Variants in JOSD2 observed in about 807,000 individuals in gnomAD.
JOSD2 encodes Josephin domain containing 2.
A neutral mutation model predicts 19.3 loss-of-function variants in JOSD2; 20 were observed. The ratio of observed to expected loss-of-function variants is 1.04; its 90% CI spans 0.73 to 1.51. The LOEUF (loss-of-function observed/expected upper bound fraction) is 1.51. Ranked by LOEUF, JOSD2 falls within the 40% of genes most tolerant of loss-of-function variation. The pLI is 0.00. For synonymous variants in JOSD2, 118 were observed against 123.7 expected (o/e 0.95, Z 0.31); for missense variants, 215 against 250.4 (o/e 0.86, Z 0.95).
At chr19:50,509,393 A>G (rs960278695) in intron 2 of JOSD2, among the ~76,000 whole-genome samples, 67 of 151,938 alleles carry the variant, frequency 4.4e-4, no homozygotes, top group Admixed American at 3.0e-3. Flanking sequence ...GCGCCCGGCC[A>G]AAGAGTGATG....
chr19:50,510,018 C>T, intron 2 of JOSD2: 1 of 329,344 alleles, frequency 3.0e-6, no homozygotes, highest in Non-Finnish European at 5.3e-6. Flanking sequence ...CGCAACTGCA[C>T]TCCAGCCTGG....
chr19:50,507,813 C>G, intron 2 of JOSD2, 114 bp from the exon 3 acceptor site: 2 of 1,305,452 alleles, frequency 1.5e-6, no homozygotes, highest in South Asian at 2.8e-5. Context: ...CCGCTTCAGA[C>G]CCCACAACTC....
chr19:50,510,830 T>A lies in JOSD2; in HGVS notation c.-18+287A>T, dbSNP rs572821242. Among the ~76,000 whole-genome samples, 4 of 151,520 alleles carry A rather than the reference T, an allele frequency of 2.6e-5. No individual in the cohort carries two copies. In the East Asian group the frequency reaches 5.9e-4, roughly 22 times the overall value. ...CCACCGCACTAGGTAACAAAGTCTG[T>A]CCTCCGAGCACCTAGCAATAGAGAA... On this transcript the variant is annotated intron_variant, in intron 1 of 4. Coordinates refer to ENST00000598418, the MANE Select transcript of JOSD2 (RefSeq NM_001270639.2).
Position 50,511,116 on chromosome 19 carries a change from C to G in JOSD2, c.-18+1G>C, listed in dbSNP as rs781118953. 2.4e-5 allele frequency: 11 copies of G among 452,766 alleles called. No homozygotes were observed. In the East Asian group the frequency reaches 7.9e-4, roughly 33 times the overall value. 28.0% of individuals were successfully genotyped at this position (452,766 alleles called of 1,614,324 possible). ...GCCCTTTGCCTGGCAACGCCCCTCA[C>G]CCCGCCTGCCTCTCCGCTCCACCGA... is the stretch of plus-strand genomic sequence containing the variant. On this transcript the variant is annotated splice_donor_variant, in intron 1 of 4. Coordinates refer to ENST00000598418, the MANE Select transcript of JOSD2 (RefSeq NM_001270639.2). LOFTEE classifies it low-confidence loss of function (5UTR_SPLICE).
intron 1 of JOSD2, 104 bp from the exon 2 acceptor site, chr19:50,510,552 A>G: frequency 3.5e-6 from 4 of 1,140,252 alleles, no homozygotes; most frequent in Non-Finnish European, 4.9e-6. Context: ...TGGGACTCGG[A>G]GCAGCCCAGG....
At position 50,506,561 on chromosome 19, in the gene JOSD2, T is replaced by C; in HGVS notation, c.284A>G (p.Gln95Arg). 5 of 1,538,082 alleles carry C rather than the reference T, an allele frequency of 3.3e-6. No individual in the cohort carries two copies. The highest frequency in any genetic ancestry group is 4.4e-6 in the Non-Finnish European group (5 of 1,140,642). ...CCCCAGTACCTGGGGCAGGGCCAGC[T>C]GGGACAGGGGCCTGTGTGGGCAGGG... The part of the protein sequence containing the change: ...VWWDRRRPLS[Q>R]LALPQVLGLI... The change falls in exon 4 of 5, where the codon CAG (glutamine) becomes CGG (arginine). Residue 95 changes from glutamine to arginine, a missense_variant. Gln to Arg is a conservative substitution (Grantham distance 43). Transcript: ENST00000598418.
intron 2 of JOSD2, among the ~76,000 whole-genome samples, chr19:50,509,558 C>T (rs986102922): frequency 6.6e-6 from 1 of 152,132 alleles, no homozygotes; most frequent in Non-Finnish European, 1.5e-5. Context: ...GCTGAAGATG[C>T]GGAGGCAGGC....
chr19:50,510,053 A>AAAAAAAAAAG (rs1979668354), intron 2 of JOSD2: 1 of 339,012 alleles, frequency 2.9e-6, no homozygotes, highest in East Asian at 6.0e-5. Flanking sequence ...CTCAGTCTCA[A>AAAAAAAAAAG]AAAAAAAAAA....
intron 3 of JOSD2, 90 bp from the exon 4 acceptor site, chr19:50,506,662 G>C: frequency 8.1e-7 from 1 of 1,231,114 alleles, no homozygotes; most frequent in Non-Finnish European, 1.1e-6. Flanking sequence ...GGCTGGTGGT[G>C]GTGAGGGCCT....
At chr19:50,508,467 G>A (rs1485964954) in intron 2 of JOSD2, among the ~76,000 whole-genome samples, 1 of 152,090 alleles carries the variant, frequency 6.6e-6, no homozygotes. Flanking sequence ...TCTGGCTCTG[G>A]TGGCCTCACC....
chr19:50,506,998 T>A (rs1255250832), intron 3 of JOSD2, among the ~76,000 whole-genome samples: 1 of 149,342 alleles, frequency 6.7e-6, no homozygotes, highest in African/African-American at 2.5e-5. Context: ...TCACCTCCCA[T>A]CTATGCATTC....
intron 1 of JOSD2, among the ~76,000 whole-genome samples, 169 bp from the exon 2 acceptor site, chr19:50,510,617 C>T (rs1325387752): frequency 6.6e-6 from 1 of 152,128 alleles, no homozygotes; most frequent in Non-Finnish European, 1.5e-5. Flanking sequence ...GCACACGTCC[C>T]TCCATCCCTT....
At chr19:50,506,336 G>A in intron 4 of JOSD2, 42 bp downstream of exon 4, 1 of 1,606,074 alleles carries the variant, frequency 6.2e-7, no homozygotes, top group Non-Finnish European at 8.5e-7. Flanking sequence ...GGGGAGTGGG[G>A]TTTCAGGCCC....
At chr19:50,508,698 CGTGT>C (rs58475114) in intron 2 of JOSD2, among the ~76,000 whole-genome samples, 37,662 of 140,626 alleles carry the variant, frequency 0.27, 5,148 homozygotes, top group East Asian at 0.36. Flanking sequence ...GGAAAACGCT[CGTGT>C]GTGTGTGTGT....
chr19:50,507,091 C>T (rs988108230), intron 3 of JOSD2, among the ~76,000 whole-genome samples: 12 of 115,644 alleles, frequency 1.0e-4, no homozygotes, highest in Non-Finnish European at 1.9e-4. Context: ...ATCTACTGTT[C>T]ACCACCCACC....
Position 50,510,436 on chromosome 19 carries a change from T to G in JOSD2, c.-5A>C. Reference sequence around the variant, plus strand: ...TGCTCCCGGGGCCTGGGACATGCCGTCCTCGGCTCCTGCTGGGGGTTGGGA... The same window carrying G: ...TGCTCCCGGGGCCTGGGACATGCCGGCCTCGGCTCCTGCTGGGGGTTGGGA... On this transcript the variant is annotated 5_prime_UTR_variant, in exon 2 of 5. Transcript: ENST00000598418. 2 of 1,601,540 alleles carry G rather than the reference T, an allele frequency of 1.2e-6. No homozygotes were observed. Among genetic ancestry groups the G allele is most frequent in the Non-Finnish European group, 8.5e-7 (1 of 1,173,524 alleles).
At position 50,510,331 on chromosome 19, in the gene JOSD2, T is replaced by C. The variant is rs1286887801; in HGVS notation, c.101A>G (p.Gln34Arg). 1 of 1,613,544 alleles carries C rather than the reference T, an allele frequency of 6.2e-7. No individual in the cohort carries two copies. Among genetic ancestry groups the C allele is most frequent in the Admixed American group, 1.7e-5 (1 of 60,026 alleles). The change falls in exon 2 of 5, where the codon CAG becomes CGG. Residue 34 changes from glutamine (Q) to arginine (R), a missense_variant. Gln to Arg is a conservative substitution (Grantham distance 43). Coordinates refer to ENST00000598418, the MANE Select transcript of JOSD2 (RefSeq NM_001270639.2). ...AGCCTCCTGGCTAAAGAGCTGCTGC[T>C]GCAGAACGTTGTTGAGGGCGTGGAC... The part of the protein sequence containing the change: ...CAVHALNNVL[Q>R]QQLFSQEAAD...
At chr19:50,510,137 T>G (rs1979681907) in intron 2 of JOSD2, 149 bp downstream of exon 2, 1 of 776,772 alleles carries the variant, frequency 1.3e-6, no homozygotes, top group Admixed American at 2.8e-5. Context: ...GGAGGCAACA[T>G]CTCCCCAGAG....
chr19:50,507,577 C>A lies in JOSD2; in HGVS notation c.269G>T (p.Arg90Met). 1 of 1,604,424 alleles carries A rather than the reference C, an allele frequency of 6.2e-7. No homozygotes were observed. The highest frequency in any genetic ancestry group is 8.5e-7 in the Non-Finnish European group (1 of 1,179,488). The change falls in exon 3 of 5, where the codon AGG (arginine) becomes ATG (methionine). Residue 90 changes from arginine (R) to methionine (M), a missense_variant. Arg to Met is a moderately conservative substitution (Grantham distance 91). Transcript: ENST00000598418. ...LGLAAVWWDR[R>M]RPLSQLALPQ... ...GCTGTGCTGCTCTGGGGCCTACCTCCTCCTGTCCCACCACACGGCGGCCAG... is the reference window on the plus strand; with the variant it reads ...GCTGTGCTGCTCTGGGGCCTACCTCATCCTGTCCCACCACACGGCGGCCAG...
Sources: allele counts gnomAD v4.1 joint callset (sites outside exome capture counted in the v4.1 genomes callset), GRCh38; gene constraint gnomAD v4.1.1; transcripts MANE v1.5; gene names NCBI Gene and HGNC (gene_info 2026-07-23, HGNC 2026-07-21).